Variants in ATXN10 observed in about 807,000 individuals in gnomAD.
ATXN10 encodes ataxin-10.
ATXN10 carries 28 observed loss-of-function variants against 52.9 expected under a neutral mutation model. The ratio of observed to expected loss-of-function variants is 0.53; its 90% CI spans 0.39 to 0.73. The LOEUF is 0.73. Among genes scored for constraint, ATXN10 ranks in the 30% least tolerant of loss-of-function variants. ATXN10 has a pLI of 0.00. For missense variants in ATXN10, 565 were observed against 577.0 expected (o/e 0.98, Z 0.21); for synonymous variants, 226 against 221.5 (o/e 1.02, Z -0.18).
chr22:45,685,648 T>C (rs1923107497), intron 1 of ATXN10, among the ~76,000 whole-genome samples: 1 of 152,354 alleles, frequency 6.6e-6, no homozygotes, highest in Non-Finnish European at 1.5e-5. Context: ...GGATCTGTAA[T>C]GCCAAATAGT....
chr22:45,687,937 G>A (rs1923213262), intron 1 of ATXN10, among the ~76,000 whole-genome samples: 1 of 152,090 alleles, frequency 6.6e-6, no homozygotes. Context: ...TGTGCCTGTA[G>A]TCCCAGCTAC....
chr22:45,774,983 C>CTA lies in ATXN10; in HGVS notation c.1174-31975_1174-31974dup, dbSNP rs1408284090. Among the ~76,000 whole-genome samples, 2 of 152,174 alleles carry CTA rather than the reference C, an allele frequency of 1.3e-5. No homozygotes were observed. Among genetic ancestry groups the CTA allele is most frequent in the African/African-American group, 2.4e-5 (1 of 41,450 alleles). On this transcript the variant is annotated intron_variant, in intron 9 of 11. Coordinates refer to ENST00000252934, the MANE Select transcript of ATXN10 (RefSeq NM_013236.4). The surrounding 1 kb of genome is among the most constrained non-coding windows in gnomAD (Gnocchi z 6.2). ...AATAAAGGCAGGGGTCGGAGAAACACTAAAGTTTTTTGTTTGTTTGTTTTG... is the reference window on the plus strand; with the variant it reads ...AATAAAGGCAGGGGTCGGAGAAACACTATAAAGTTTTTTGTTTGTTTGTTTTG...
rs74485548 is a variant in ATXN10, at chr22:45,688,948, G to A, written c.117-764G>A. On this transcript the variant is annotated intron_variant, in intron 1 of 11. Transcript: ENST00000252934. The surrounding 1 kb of genome is among the most constrained non-coding windows in gnomAD (Gnocchi z 4.0). ...TTATCTTTAGAGCTCTGGAATGATA[G>A]CCAGTGCAGGCAGTACTCCTGGCAT... 8.2e-3 allele frequency among the ~76,000 whole-genome samples: 1,245 copies of A among 152,302 alleles called. 7 individuals carry two copies. Among genetic ancestry groups the A allele is most frequent in the South Asian group, 0.022 (104 of 4,814 alleles).
At position 45,820,564 on chromosome 22, in the gene ATXN10, T is replaced by G. The variant is rs1928612559; in HGVS notation, c.1237+13542T>G. ...AAGCCTCTGGCTGCTTTGGGCTTTC[T>G]GATCCTTGTGGTTTTGTAGATCCAC... On this transcript the variant is annotated intron_variant, in intron 10 of 11. Coordinates refer to ENST00000252934, the MANE Select transcript of ATXN10 (RefSeq NM_013236.4). The surrounding 1 kb of genome is among the most constrained non-coding windows in gnomAD (Gnocchi z 4.9). 6.6e-6 allele frequency among the ~76,000 whole-genome samples: 1 copy of G among 152,250 alleles called. No individual in the cohort carries two copies. The highest frequency in any genetic ancestry group is 2.1e-4 in the South Asian group (1 of 4,832).
intron 9 of ATXN10, among the ~76,000 whole-genome samples, chr22:45,746,312 T>C (rs1925723423): frequency 6.6e-6 from 1 of 151,044 alleles, no homozygotes; most frequent in Non-Finnish European, 1.5e-5. Context: ...AATTATTAAC[T>C]CCTTTATTAT....
intron 9 of ATXN10, among the ~76,000 whole-genome samples, chr22:45,760,859 C>G (rs575417378): frequency 1.2e-4 from 19 of 152,262 alleles, no homozygotes; most frequent in African/African-American, 4.1e-4. Flanking sequence ...CCAGCCCATC[C>G]TCACTGATAA....
At chr22:45,771,932 T>C (rs1301320182) in intron 9 of ATXN10, among the ~76,000 whole-genome samples, 7 of 152,192 alleles carry the variant, frequency 4.6e-5, no homozygotes, top group Non-Finnish European at 1.0e-4. Context: ...CTGGATTGTT[T>C]TGTTATTGTA....
At chr22:45,736,515 G>A (rs1238440320) in intron 7 of ATXN10, among the ~76,000 whole-genome samples, 2 of 151,864 alleles carry the variant, frequency 1.3e-5, no homozygotes, top group Non-Finnish European at 2.9e-5. Context: ...ATAAGGGCAA[G>A]TGATTGACAT....
At position 45,786,629 on chromosome 22, in the gene ATXN10, T is replaced by C. The variant is rs1300780438; in HGVS notation, c.1174-20330T>C. ...GCACATCTCAGCTGGTCAGCAAAAC[T>C]TGTACTATTAAATGCCTTTATCTCA... On this transcript the variant is annotated intron_variant, in intron 9 of 11. Coordinates refer to ENST00000252934, the MANE Select transcript of ATXN10 (RefSeq NM_013236.4). This position sits in a 1 kb window ranked among gnomAD's most constrained non-coding sequence, Gnocchi z 4.1. Among the ~76,000 whole-genome samples the C allele has an allele frequency of 6.6e-6, 1 of 152,218 alleles. No homozygotes were observed. The highest frequency in any genetic ancestry group is 1.5e-5 in the Non-Finnish European group (1 of 68,034).
At chr22:45,817,469 C>T (rs1436037037) in intron 10 of ATXN10, among the ~76,000 whole-genome samples, 1 of 151,890 alleles carries the variant, frequency 6.6e-6, no homozygotes, top group African/African-American at 2.4e-5. Context: ...GAATTACAGG[C>T]CCATGCCACG....
At chr22:45,771,821 C>T (rs1365450214) in intron 9 of ATXN10, among the ~76,000 whole-genome samples, 4 of 152,070 alleles carry the variant, frequency 2.6e-5, no homozygotes, top group Non-Finnish European at 5.9e-5. Context: ...GGGGCCTCTG[C>T]TGTGTTGTCC....
At position 45,759,460 on chromosome 22, in the gene ATXN10, C is replaced by A. The variant is rs1926299084; in HGVS notation, c.1173+18922C>A. Among the ~76,000 whole-genome samples, 1 of 152,144 alleles carries A rather than the reference C, an allele frequency of 6.6e-6. No homozygotes were observed. The highest frequency in any genetic ancestry group is 2.4e-5 in the African/African-American group (1 of 41,418). ...TCGGGAGGCAGAGGTTGCAGTGAGC[C>A]GAGATAGCATCACTGCACTCCAGCC... On this transcript the variant is annotated intron_variant, in intron 9 of 11. Transcript: ENST00000252934. This position sits in a 1 kb window ranked among gnomAD's most constrained non-coding sequence, Gnocchi z 5.4.
intron 9 of ATXN10, among the ~76,000 whole-genome samples, chr22:45,758,693 C>T (rs1926266025): frequency 6.6e-6 from 1 of 152,234 alleles, no homozygotes; most frequent in African/African-American, 2.4e-5. Context: ...TGTGCATACA[C>T]ATAGCCACTG....
intron 9 of ATXN10, among the ~76,000 whole-genome samples, chr22:45,767,987 G>C (rs1232065058): frequency 6.6e-6 from 1 of 152,156 alleles, no homozygotes; most frequent in African/African-American, 2.4e-5. Flanking sequence ...AAAGCTGTTA[G>C]ACAGCAAGAA....
At chr22:45,675,259 A>G (rs888640532) in intron 1 of ATXN10, 1 of 152,220 alleles carries the variant, frequency 6.6e-6, no homozygotes, top group Non-Finnish European at 1.5e-5. Flanking sequence ...GGATCTCATT[A>G]CAATTTTAGC....
rs1341155881 is a variant in ATXN10, at chr22:45,690,779, G to A, written c.308+876G>A. On this transcript the variant is annotated intron_variant, in intron 2 of 11. Coordinates refer to ENST00000252934, the MANE Select transcript of ATXN10 (RefSeq NM_013236.4). This position sits in a 1 kb window ranked among gnomAD's most constrained non-coding sequence, Gnocchi z 4.5. ...CCAGTGCTCTTCTTTGCTTTTACGT[G>A]TTACCGTCTCCTCCCAGAACACAGC... Among the ~76,000 whole-genome samples the A allele has an allele frequency of 2.0e-5, 3 of 152,190 alleles. No homozygotes were observed. Among genetic ancestry groups the A allele is most frequent in the African/African-American group, 7.2e-5 (3 of 41,456 alleles).
rs190313132 is a variant in ATXN10 at position 45,747,283 on chromosome 22, T to C, written c.1173+6745T>C. ...CACATTGGAAGGCTGAGGCGGGAGA[T>C]TGTTTGAGCTCAGAAGTTGGAGACC... On this transcript the variant is annotated intron_variant, in intron 9 of 11. Transcript: ENST00000252934. Among the ~76,000 whole-genome samples, 19 of 152,064 alleles carry C rather than the reference T, an allele frequency of 1.2e-4. No homozygotes were observed. The East Asian group carries it at 3.7e-3, about 30-fold the overall frequency.
chr22:45,698,530 C>T (rs1175083795), intron 3 of ATXN10, among the ~76,000 whole-genome samples: 1 of 152,130 alleles, frequency 6.6e-6, no homozygotes, highest in African/African-American at 2.4e-5. Flanking sequence ...AATATTGAAT[C>T]TATAGATCAA....
chr22:45,700,696 A>C (rs1480783207), intron 4 of ATXN10, among the ~76,000 whole-genome samples: 1 of 152,254 alleles, frequency 6.6e-6, no homozygotes, highest in Non-Finnish European at 1.5e-5. Flanking sequence ...AAATAAAGTC[A>C]TGGATAAAGT....
Sources: gnomAD v4.1 joint callset for allele counts (sites outside exome capture counted in the v4.1 genomes callset) on GRCh38, gnomAD v4.1.1 for gene constraint, Gnocchi (gnomAD v3.1) non-coding constraint, MANE v1.5 for transcripts, NCBI Gene and HGNC (gene_info 2026-07-23, HGNC 2026-07-21) for gene names.